Variants in LRRC72 observed in about 807,000 individuals in gnomAD.
LRRC72 encodes leucine rich repeat containing 72, also known as leucine-rich repeat-containing protein 72.
Under a neutral mutation model 35.8 loss-of-function variants are expected in LRRC72, and 41 were observed. That is an observed-to-expected ratio of 1.15 (90% CI 0.89 to 1.49). The LOEUF is 1.49. Among genes scored for constraint, LRRC72 ranks in the 40% most tolerant of loss-of-function variants. LRRC72 has a pLI of 0.00. For synonymous variants in LRRC72, 118 were observed against 119.2 expected (o/e 0.99, Z 0.07); for missense variants, 389 against 330.7 (o/e 1.18, Z -1.37).
intron 7 of LRRC72, among the ~76,000 whole-genome samples, chr7:16,578,671 ATACT>A (rs1186874156): frequency 2.7e-4 from 41 of 152,318 alleles, no homozygotes; most frequent in East Asian, 7.7e-4. Flanking sequence ...TTTAATAGTG[ATACT>A]TAATAGTAAT....
chr7:16,527,626 A>C (rs1296163083), intron 1 of LRRC72, among the ~76,000 whole-genome samples: 1 of 152,126 alleles, frequency 6.6e-6, no homozygotes, highest in East Asian at 1.9e-4. Context: ...GGGTGGGGAA[A>C]AAAAAATCTC....
At position 16,550,294 on chromosome 7, in the gene LRRC72, A is replaced by G. The variant is rs1045640022; in HGVS notation, c.235-7066A>G. Among the ~76,000 whole-genome samples, 10 of 152,336 alleles carry G rather than the reference A, an allele frequency of 6.6e-5. No individual in the cohort carries two copies. The East Asian group carries it at 1.3e-3, about 21-fold the overall frequency. ...GTTCTATCACTAACCAGCTAATAACATACGGCAAATCACATAATATCTCTA... is the reference window on the plus strand; with the variant it reads ...GTTCTATCACTAACCAGCTAATAACGTACGGCAAATCACATAATATCTCTA... On this transcript the variant is annotated intron_variant, in intron 3 of 8. Coordinates refer to ENST00000401542, the MANE Select transcript of LRRC72 (RefSeq NM_001195280.2).
intron 7 of LRRC72, among the ~76,000 whole-genome samples, chr7:16,576,349 C>T (rs1241701365): frequency 7.2e-5 from 11 of 151,936 alleles, no homozygotes; most frequent in Non-Finnish European, 1.0e-4. Flanking sequence ...AAGAGTAATT[C>T]TAAGAGAAAT....
intron 3 of LRRC72, among the ~76,000 whole-genome samples, chr7:16,547,504 C>G (rs947622972): frequency 6.6e-6 from 1 of 152,168 alleles, no homozygotes; most frequent in Non-Finnish European, 1.5e-5. Context: ...GCCCAAACTG[C>G]TGCTGTGGGC....
chr7:16,530,512 T>C (rs1782143373), intron 1 of LRRC72: 2 of 152,216 alleles, frequency 1.3e-5, no homozygotes, highest in South Asian at 4.1e-4. Flanking sequence ...TTTTACCAGC[T>C]TCTGGGCATC....
At chr7:16,563,677 A>C (rs914498040) in intron 5 of LRRC72, among the ~76,000 whole-genome samples, 2 of 152,240 alleles carry the variant, frequency 1.3e-5, no homozygotes, top group African/African-American at 4.8e-5. Flanking sequence ...AAAATGTTAA[A>C]TGTTTAATAG....
rs188714767 is a variant in LRRC72 at position 16,568,629 on chromosome 7, G to A, written c.670+1086G>A. Among the ~76,000 whole-genome samples the A allele has an allele frequency of 3.0e-3, 452 of 152,246 alleles. 14 individuals are homozygous for A. The highest frequency in any genetic ancestry group is 0.028 in the Admixed American group (421 of 15,276). ...TCCCAAACTGATAAATAAATTCTTAGACTGACCAGACAATTACCAGAATTG... is the reference window on the plus strand; with the variant it reads ...TCCCAAACTGATAAATAAATTCTTAAACTGACCAGACAATTACCAGAATTG... On this transcript the variant is annotated intron_variant, in intron 7 of 8. Coordinates refer to ENST00000401542, the MANE Select transcript of LRRC72 (RefSeq NM_001195280.2).
At chr7:16,567,582 A>C in intron 7 of LRRC72, 39 bp downstream of exon 7, 1 of 1,362,372 alleles carries the variant, frequency 7.3e-7, no homozygotes, top group Non-Finnish European at 9.6e-7. Flanking sequence ...AATTTAATGA[A>C]ATTAAAACTC....
intron 5 of LRRC72, among the ~76,000 whole-genome samples, chr7:16,562,792 T>G (rs899388949): frequency 6.6e-6 from 1 of 152,160 alleles, no homozygotes; most frequent in Non-Finnish European, 1.5e-5. Flanking sequence ...GACAAAACAA[T>G]TCACCAAAGG....
chr7:16,575,897 T>C (rs1452639206), intron 7 of LRRC72, among the ~76,000 whole-genome samples: 1 of 152,168 alleles, frequency 6.6e-6, no homozygotes, highest in Non-Finnish European at 1.5e-5. Flanking sequence ...ATTGGTGTGA[T>C]CCCTACCTTT....
At chr7:16,548,373 A>AGAGAAGAGAGAAGGG (rs1782487693) in intron 3 of LRRC72, among the ~76,000 whole-genome samples, 1 of 152,182 alleles carries the variant, frequency 6.6e-6, no homozygotes, top group Non-Finnish European at 1.5e-5. Flanking sequence ...GACAAGAAGG[A>AGAGAAGAGAGAAGGG]GAGAAGAGAG....
chr7:16,578,301 C>T (rs1482150568), intron 7 of LRRC72, among the ~76,000 whole-genome samples: 2 of 152,024 alleles, frequency 1.3e-5, no homozygotes, highest in African/African-American at 2.4e-5. Context: ...GGTGAAACCC[C>T]GTCTCTATTA....
chr7:16,563,186 C>A (rs1435323403), intron 5 of LRRC72, among the ~76,000 whole-genome samples: 1 of 152,096 alleles, frequency 6.6e-6, no homozygotes, highest in Non-Finnish European at 1.5e-5. Flanking sequence ...TCGAAGGCAG[C>A]CTTAAAAACA....
intron 3 of LRRC72, among the ~76,000 whole-genome samples, chr7:16,547,423 C>T (rs1782467578): frequency 6.6e-6 from 1 of 152,144 alleles, no homozygotes; most frequent in Non-Finnish European, 1.5e-5. Flanking sequence ...ATGGCTGCAA[C>T]CTGGGCACCC....
chr7:16,532,283 A>C (rs1419140008), intron 1 of LRRC72, among the ~76,000 whole-genome samples: 1 of 152,320 alleles, frequency 6.6e-6, no homozygotes, highest in African/African-American at 2.4e-5. Flanking sequence ...TTATTTAAAC[A>C]TCTGTGCCCA....
intron 2 of LRRC72, among the ~76,000 whole-genome samples, chr7:16,536,341 A>G (rs1330896257): frequency 6.6e-6 from 1 of 152,208 alleles, no homozygotes; most frequent in Non-Finnish European, 1.5e-5. Flanking sequence ...CATGAATGGC[A>G]TATTAGATTA....
chr7:16,577,221 A>G (rs140191027), intron 7 of LRRC72, among the ~76,000 whole-genome samples: 56 of 152,318 alleles, frequency 3.7e-4, no homozygotes, highest in Non-Finnish European at 7.2e-4. Flanking sequence ...TTGTGAAGGG[A>G]AAAATCAGCA....
At chr7:16,534,308 C>T (rs556026151) in intron 2 of LRRC72, among the ~76,000 whole-genome samples, 10 of 152,268 alleles carry the variant, frequency 6.6e-5, no homozygotes, top group Middle Eastern at 3.4e-3. Flanking sequence ...CTGGCCTCAC[C>T]TTATAATGTA....
chr7:16,552,796 T>C (rs1023103137), intron 3 of LRRC72, among the ~76,000 whole-genome samples: 1 of 152,088 alleles, frequency 6.6e-6, no homozygotes, highest in Non-Finnish European at 1.5e-5. Context: ...AAACCAAGTC[T>C]GAGAATGAGC....
Sources: gnomAD v4.1 joint callset for allele counts (sites outside exome capture counted in the v4.1 genomes callset) on GRCh38, gnomAD v4.1.1 for gene constraint, MANE v1.5 for transcripts, NCBI Gene and HGNC (gene_info 2026-07-23, HGNC 2026-07-21) for gene names.